LRRC4C: variants seen among roughly 807,000 people sequenced by gnomAD.
LRRC4C encodes the protein leucine rich repeat containing 4C.
In LRRC4C, 5 loss-of-function variants were observed where a neutral mutation model predicts 33.6. The observed-to-expected ratio is 0.15, with a 90% CI of 0.08 to 0.31. The LOEUF is 0.31. Among genes scored for constraint, LRRC4C ranks in the 10% least tolerant of loss-of-function variants. LRRC4C has a pLI of 1.00. For missense variants in LRRC4C, 560 were observed against 796.7 expected (o/e 0.70, Z 3.58); for synonymous variants, 329 against 302.0 (o/e 1.09, Z -0.93).
intron 1 of LRRC4C, among the ~76,000 whole-genome samples, chr11:41,311,665 C>A (rs1950645706): frequency 6.6e-6 from 1 of 152,076 alleles, no homozygotes; most frequent in Non-Finnish European, 1.5e-5. Flanking sequence ...CACAGAAATT[C>A]CTTGTAGAGG....
At chr11:41,054,564 T>C (rs1858480051) in intron 1 of LRRC4C, among the ~76,000 whole-genome samples, 1 of 152,216 alleles carries the variant, frequency 6.6e-6, no homozygotes, top group East Asian at 1.9e-4. Context: ...CATAAGTACT[T>C]TGAAGAAGAT....
chr11:40,637,447 C>A (rs1941822384), intron 3 of LRRC4C, among the ~76,000 whole-genome samples: 1 of 152,166 alleles, frequency 6.6e-6, no homozygotes, highest in African/African-American at 2.4e-5. Flanking sequence ...TTACCTTGTT[C>A]AAACTTTTAA....
intron 3 of LRRC4C, among the ~76,000 whole-genome samples, chr11:40,477,449 C>G (rs1346142221): frequency 6.6e-6 from 1 of 151,984 alleles, no homozygotes; most frequent in Non-Finnish European, 1.5e-5. Context: ...GTATTCTCTC[C>G]TTAAAAGGGA....
chr11:40,620,307 G>A (rs1375258004), intron 3 of LRRC4C, among the ~76,000 whole-genome samples: 3 of 151,700 alleles, frequency 2.0e-5, no homozygotes, highest in Non-Finnish European at 1.5e-5. Flanking sequence ...AGAATCTGGT[G>A]TATTGAACAA....
intron 5 of LRRC4C, among the ~76,000 whole-genome samples, chr11:40,168,674 G>C (rs989775870): frequency 6.6e-6 from 1 of 152,274 alleles, no homozygotes; most frequent in East Asian, 1.9e-4. Context: ...GTCCTGCTTT[G>C]CTAATTAATG....
chr11:40,155,734 G>T (rs1394787800), intron 5 of LRRC4C, among the ~76,000 whole-genome samples: 1 of 151,840 alleles, frequency 6.6e-6, no homozygotes, highest in Admixed American at 6.6e-5. Context: ...ACAAAAAAAA[G>T]TCCAAGACCA....
chr11:40,861,922 C>A (rs933772066), intron 2 of LRRC4C, among the ~76,000 whole-genome samples: 1 of 152,134 alleles, frequency 6.6e-6, no homozygotes, highest in African/African-American at 2.4e-5. Flanking sequence ...GGAGCCAAGC[C>A]ATTCATGAGG....
At chr11:40,489,631 A>G (rs1954045827) in intron 3 of LRRC4C, among the ~76,000 whole-genome samples, 1 of 152,098 alleles carries the variant, frequency 6.6e-6, no homozygotes, top group Admixed American at 6.6e-5. Context: ...TGGAGCTACC[A>G]CTGTTTTTCC....
intron 3 of LRRC4C, among the ~76,000 whole-genome samples, chr11:40,535,261 A>G (rs961873293): frequency 1.3e-5 from 2 of 152,208 alleles, no homozygotes; most frequent in African/African-American, 4.8e-5. Context: ...AAGGAATTCC[A>G]AATGAAGCTT....
Position 40,898,353 on chromosome 11 carries a change from C to CAAAAAAAAAAA in LRRC4C, c.-407+35271_-407+35281dup, listed in dbSNP as rs765252333. ...GGGCAACAAGAGTGAAACTCCATCT[C>CAAAAAAAAAAA]AAAAAAAAAAAAAAAAAAAGAAAAA... On this transcript the variant is annotated intron_variant, in intron 2 of 6. Transcript: ENST00000528697. Among the ~76,000 whole-genome samples, 26 of 38,366 alleles carry CAAAAAAAAAAA rather than the reference C, an allele frequency of 6.8e-4. 2 individuals carry two copies. The highest frequency in any genetic ancestry group is 1.7e-3 in the African/African-American group (16 of 9,592). The allele number at this position is 38,366 out of a possible 152,430, so 25.2% of individuals were successfully genotyped here. A position where few individuals can be genotyped will look rare whatever the true frequency, so the allele number is the denominator to read the frequency against.
intron 3 of LRRC4C, among the ~76,000 whole-genome samples, chr11:40,533,057 C>G (rs1319503324): frequency 6.6e-6 from 1 of 152,012 alleles, no homozygotes; most frequent in East Asian, 1.9e-4. Flanking sequence ...CTGGTCTCTC[C>G]CTTGACATGT....
chr11:40,273,077 T>G (rs1227521267), intron 4 of LRRC4C, among the ~76,000 whole-genome samples: 1 of 152,170 alleles, frequency 6.6e-6, no homozygotes, highest in Admixed American at 6.6e-5. Context: ...TATTATCAGA[T>G]AAATTAAGTC....
intron 1 of LRRC4C, among the ~76,000 whole-genome samples, chr11:41,044,025 A>G (rs61877029): frequency 0.021 from 3,182 of 152,216 alleles, 36 homozygotes; most frequent in Middle Eastern, 0.051. Flanking sequence ...ACATACACCT[A>G]ATGAAGTGCA....
chr11:41,304,026 G>A lies in LRRC4C; in HGVS notation c.-496+155405C>T, dbSNP rs1315170236. ...GGGTCAGCCCCCCGCCCGGCCAGCC[G>A]CCCCATCCGGGAGGGAGGTGGGGGG... On this transcript the variant is annotated intron_variant, in intron 1 of 6. Transcript: ENST00000528697. 4.3e-5 allele frequency among the ~76,000 whole-genome samples: 3 copies of A among 69,792 alleles called. 1 individual carries two copies. The highest frequency in any genetic ancestry group is 1.0e-4 in the Non-Finnish European group (3 of 29,222). The allele number at this position is 69,792 out of a possible 152,430, so 45.8% of individuals were successfully genotyped here.
intron 3 of LRRC4C, among the ~76,000 whole-genome samples, chr11:40,618,810 C>A (rs2861934): frequency 0.5 from 75,823 of 151,568 alleles, 19,343 homozygotes; most frequent in East Asian, 0.74. Flanking sequence ...AACGACACTT[C>A]CGGTCTTTCA....
chr11:40,383,550 C>CT (rs1485376611), intron 3 of LRRC4C, among the ~76,000 whole-genome samples: 5 of 152,124 alleles, frequency 3.3e-5, no homozygotes, highest in Non-Finnish European at 7.3e-5. Flanking sequence ...AATAGCCACT[C>CT]TAATAGGTGA....
chr11:40,539,763 T>C (rs550399586), intron 3 of LRRC4C, among the ~76,000 whole-genome samples: 1 of 152,256 alleles, frequency 6.6e-6, no homozygotes, highest in East Asian at 1.9e-4. Context: ...AAACCTCATA[T>C]AATTTAGGTA....
chr11:40,515,310 C>T (rs934240164), intron 3 of LRRC4C, among the ~76,000 whole-genome samples: 6 of 151,870 alleles, frequency 4.0e-5, no homozygotes, highest in African/African-American at 1.2e-4. Context: ...ACACATTTGT[C>T]GAAAGGAAAC....
At chr11:40,830,230 A>G (rs1346484776) in intron 2 of LRRC4C, among the ~76,000 whole-genome samples, 1 of 152,116 alleles carries the variant, frequency 6.6e-6, no homozygotes, top group African/African-American at 2.4e-5. Flanking sequence ...TAACACATGG[A>G]ACAGTATGTC....
Sources: allele counts gnomAD v4.1 joint callset (sites outside exome capture counted in the v4.1 genomes callset), GRCh38; gene constraint gnomAD v4.1.1; transcripts MANE v1.5; gene names NCBI Gene and HGNC (gene_info 2026-07-23, HGNC 2026-07-21).